Variants in GRIN2B observed in about 807,000 individuals in gnomAD.
GRIN2B encodes glutamate ionotropic receptor NMDA type subunit 2B, also known as glutamate receptor ionotropic, NMDA 2B.
In GRIN2B, 5 loss-of-function variants were observed where a neutral mutation model predicts 114.5. The observed-to-expected ratio is 0.04, with a 90% CI of 0.02 to 0.09. GRIN2B has a LOEUF of 0.09. Among genes scored for constraint, GRIN2B ranks in the 10% least tolerant of loss-of-function variants. The pLI, the probability that GRIN2B is intolerant of heterozygous loss-of-function variation, is 1.00. For synonymous variants in GRIN2B, 787 were observed against 745.1 expected, an observed-to-expected ratio of 1.06 and a Z score of -0.92; for missense variants, 1,108 against 1,943.5, an observed-to-expected ratio of 0.57 and a Z score of 8.08.
At chr12:13,962,476 A>G (rs1051430914) in intron 2 of GRIN2B, among the ~76,000 whole-genome samples, 31 of 152,252 alleles carry the variant, frequency 2.0e-4, no homozygotes, top group African/African-American at 6.8e-4. Flanking sequence ...CTATGCTACA[A>G]GTAGGCACCG....
At chr12:13,972,898 T>C (rs1413325921) in intron 2 of GRIN2B, among the ~76,000 whole-genome samples, 1 of 152,168 alleles carries the variant, frequency 6.6e-6, no homozygotes, top group Non-Finnish European at 1.5e-5. Flanking sequence ...CACAAACATA[T>C]CCATCCACAC....
intron 4 of GRIN2B, among the ~76,000 whole-genome samples, chr12:13,704,628 G>A (rs1402932995): frequency 6.6e-6 from 1 of 151,994 alleles, no homozygotes; most frequent in African/African-American, 2.4e-5. Flanking sequence ...ATCTCCAAGT[G>A]AACTCCTTCC....
chr12:13,947,297 T>C (rs967625908), intron 2 of GRIN2B, among the ~76,000 whole-genome samples: 45 of 152,162 alleles, frequency 3.0e-4, no homozygotes, highest in African/African-American at 9.7e-4. Flanking sequence ...ACACCATTGA[T>C]AGGAAAAAAC....
At position 13,548,803 on chromosome 12, in the gene GRIN2B, C is replaced by G. The variant is rs1204920713; in HGVS notation, c.*13980G>C. ...AAAAAATTAGTCTAGTGCCCACCTCCTCCCCCCATCTTCATGCATGGGAAT... is the reference window on the plus strand; with the variant it reads ...AAAAAATTAGTCTAGTGCCCACCTCGTCCCCCCATCTTCATGCATGGGAAT... On this transcript the variant is annotated 3_prime_UTR_variant, in exon 14 of 14. Transcript: ENST00000609686. The G allele has an allele frequency of 1.3e-5, 2 of 151,996 alleles. No individual in the cohort carries two copies. The highest frequency in any genetic ancestry group is 2.9e-5 in the Non-Finnish European group (2 of 68,002). 9.4% of individuals were successfully genotyped at this position (151,996 alleles called of 1,614,324 possible).
At position 13,974,699 on chromosome 12, in the gene GRIN2B, T is replaced by C. The variant is rs140123068; in HGVS notation, c.-19+5229A>G. On this transcript the variant is annotated intron_variant, in intron 2 of 13. Coordinates refer to ENST00000609686, the MANE Select transcript of GRIN2B (RefSeq NM_000834.5). Reference sequence around the variant, plus strand: ...TAGATCTTACCTAAATATATAATTATCTCTTTATACATGTCCACACCACTA... The same window carrying C: ...TAGATCTTACCTAAATATATAATTACCTCTTTATACATGTCCACACCACTA... 1.6e-4 allele frequency among the ~76,000 whole-genome samples: 24 copies of C among 152,214 alleles called. No individual in the cohort carries two copies. In the East Asian group the frequency reaches 4.2e-3, roughly 27 times the overall value.
At chr12:13,609,737 C>A (rs997794974) in intron 9 of GRIN2B, among the ~76,000 whole-genome samples, 5 of 149,804 alleles carry the variant, frequency 3.3e-5, no homozygotes, top group Non-Finnish European at 7.4e-5. Flanking sequence ...CGCGCCACTG[C>A]ACTCCAGCCT....
chr12:13,794,584 T>C (rs571726419), intron 3 of GRIN2B, among the ~76,000 whole-genome samples: 2 of 152,324 alleles, frequency 1.3e-5, no homozygotes, highest in East Asian at 3.9e-4. Flanking sequence ...TTTACATCAA[T>C]ATGTCTCCAG....
chr12:13,870,116 C>T (rs973384251), intron 2 of GRIN2B, among the ~76,000 whole-genome samples: 4 of 152,060 alleles, frequency 2.6e-5, no homozygotes, highest in South Asian at 2.1e-4. Flanking sequence ...AGAGGAACCG[C>T]GCATGGGGCA....
At chr12:13,944,891 G>A (rs890569472) in intron 2 of GRIN2B, among the ~76,000 whole-genome samples, 1 of 152,166 alleles carries the variant, frequency 6.6e-6, no homozygotes, top group Non-Finnish European at 1.5e-5. Flanking sequence ...GAGAGGGAGA[G>A]CTATGGGCCA....
At chr12:13,667,413 T>A (rs1050145615) in intron 5 of GRIN2B, among the ~76,000 whole-genome samples, 1 of 152,138 alleles carries the variant, frequency 6.6e-6, no homozygotes, top group Non-Finnish European at 1.5e-5. Flanking sequence ...TTAAGGGTTT[T>A]CATTTTTAAC....
chr12:13,817,839 C>T (rs555119078), intron 3 of GRIN2B, among the ~76,000 whole-genome samples: 1 of 152,300 alleles, frequency 6.6e-6, no homozygotes, highest in East Asian at 1.9e-4. Flanking sequence ...TGAAAATTCT[C>T]CTGTCTACCT....
At chr12:13,810,690 G>A (rs1226388894) in intron 3 of GRIN2B, among the ~76,000 whole-genome samples, 1 of 152,150 alleles carries the variant, frequency 6.6e-6, no homozygotes, top group East Asian at 1.9e-4. Context: ...GAACCTGAAG[G>A]CAGATTCTAT....
intron 2 of GRIN2B, among the ~76,000 whole-genome samples, chr12:13,895,246 G>T (rs1866333842): frequency 6.6e-6 from 1 of 152,138 alleles, no homozygotes; most frequent in Non-Finnish European, 1.5e-5. Context: ...CGGTCTGAGA[G>T]GTTTTCCACT....
intron 4 of GRIN2B, among the ~76,000 whole-genome samples, chr12:13,750,425 A>T (rs1024867523): frequency 2.0e-5 from 3 of 152,232 alleles, no homozygotes; most frequent in African/African-American, 7.2e-5. Flanking sequence ...TAATATCTGC[A>T]GATCATTGTT....
At chr12:13,966,683 A>G (rs1248540419) in intron 2 of GRIN2B, among the ~76,000 whole-genome samples, 1 of 152,214 alleles carries the variant, frequency 6.6e-6, no homozygotes, top group African/African-American at 2.4e-5. Flanking sequence ...TGCACCACCC[A>G]AACTAGCTCT....
chr12:13,720,896 C>G lies in GRIN2B; in HGVS notation c.1010+32421G>C, dbSNP rs140658144. ...CTTTAGAAACTTATATGAACAAATT[C>G]GACACAGATCTTGGACTCATGATAC... On this transcript the variant is annotated intron_variant, in intron 4 of 13. Transcript: ENST00000609686. Among the ~76,000 whole-genome samples the G allele has an allele frequency of 4.4e-4, 67 of 152,038 alleles. 1 individual carries two copies. The East Asian group carries it at 0.012, about 28-fold the overall frequency.
intron 2 of GRIN2B, among the ~76,000 whole-genome samples, chr12:13,913,063 G>T (rs1344813840): frequency 6.6e-6 from 1 of 152,116 alleles, no homozygotes; most frequent in African/African-American, 2.4e-5. Flanking sequence ...CACCTGAGTC[G>T]AGAGTAACAG....
At chr12:13,634,070 C>G (rs896828452) in intron 5 of GRIN2B, 3 of 152,138 alleles carry the variant, frequency 2.0e-5, no homozygotes, top group African/African-American at 7.2e-5. Flanking sequence ...GATTTCAAAG[C>G]AAAATGAAAA....
intron 2 of GRIN2B, among the ~76,000 whole-genome samples, chr12:13,967,236 C>T (rs531261374): frequency 2.2e-4 from 33 of 152,326 alleles, no homozygotes; most frequent in African/African-American, 7.9e-4. Flanking sequence ...GTCCTAACCA[C>T]CTTTCGAATC....
Sources: allele counts gnomAD v4.1 joint callset (sites outside exome capture counted in the v4.1 genomes callset), GRCh38; gene constraint gnomAD v4.1.1; transcripts MANE v1.5; gene names NCBI Gene and HGNC (gene_info 2026-07-23, HGNC 2026-07-21).